KIRREL1: variants seen among roughly 807,000 people sequenced by gnomAD.
The protein encoded by KIRREL1 is kin of IRRE-like protein 1.
Under a neutral mutation model 83.3 loss-of-function variants are expected in KIRREL1, and 25 were observed. That is an observed-to-expected ratio of 0.30 (90% CI 0.22 to 0.42). KIRREL1 has a LOEUF of 0.42. Ranked by LOEUF, KIRREL1 falls within the 10% of genes least tolerant of loss-of-function variation. KIRREL1 has a pLI of 1.00. For synonymous variants in KIRREL1, 388 were observed against 410.4 expected (o/e 0.95, Z 0.66); for missense variants, 812 against 1,032.3 (o/e 0.79, Z 2.92).
chr1:158,087,650 C>A, intron 5 of KIRREL1, 105 bp from the exon 6 acceptor site: 1 of 743,550 alleles, frequency 1.3e-6, no homozygotes, highest in Non-Finnish European at 2.2e-6. Context: ...ACCTCAAATT[C>A]CTAGATCCCC....
chr1:158,059,925 T>C (rs1661165471), intron 1 of KIRREL1, among the ~76,000 whole-genome samples: 1 of 152,102 alleles, frequency 6.6e-6, no homozygotes, highest in African/African-American at 2.4e-5. Flanking sequence ...GAGGTGGACA[T>C]TGGGTTCGGG....
intron 1 of KIRREL1, among the ~76,000 whole-genome samples, chr1:158,000,066 G>C (rs541919895): frequency 7.3e-5 from 11 of 151,514 alleles, no homozygotes; most frequent in East Asian, 4.0e-4. Context: ...GGAAAGATGG[G>C]GTGGGGGCTG....
At chr1:158,010,346 CA>C (rs1324520733) in intron 1 of KIRREL1, among the ~76,000 whole-genome samples, 3,675 of 147,984 alleles carry the variant, frequency 0.025, 86 homozygotes, top group Middle Eastern at 0.069. Context: ...CACACACACA[CA>C]CACACACACA....
intron 10 of KIRREL1, 103 bp from the exon 11 acceptor site, chr1:158,091,240 GTGGGGCACACATGGC>G: frequency 1.1e-6 from 1 of 885,766 alleles, no homozygotes; most frequent in East Asian, 2.5e-5. Context: ...GGCTGGGCTT[GTGGGGCACACATGGC>G]ACATAGGGGT....
chr1:158,096,350 G>A lies in KIRREL1; in HGVS notation c.*1230G>A. Reference sequence around the variant, plus strand: ...CACCTTCCAGGGGGTATGGGAGACAGGTTTTGGTTTTTAAGTGTCTTTTTT... The same window carrying A: ...CACCTTCCAGGGGGTATGGGAGACAAGTTTTGGTTTTTAAGTGTCTTTTTT... On this transcript the variant is annotated 3_prime_UTR_variant, in exon 15 of 15. Coordinates refer to ENST00000359209, the MANE Select transcript of KIRREL1 (RefSeq NM_018240.7). 2.8e-6 allele frequency: 1 copy of A among 354,988 alleles called. No individual in the cohort carries two copies. Among genetic ancestry groups the A allele is most frequent in the South Asian group, 2.2e-5 (1 of 46,080 alleles). The allele number at this position is 354,988 out of a possible 1,614,324, so 22.0% of individuals were successfully genotyped here.
At chr1:158,032,878 C>T (rs1450305609) in intron 1 of KIRREL1, among the ~76,000 whole-genome samples, 1 of 152,144 alleles carries the variant, frequency 6.6e-6, no homozygotes, top group Non-Finnish European at 1.5e-5. Context: ...TCAAGCAATT[C>T]TCCTGTCTCA....
chr1:158,091,600 G>A (rs943607992), intron 11 of KIRREL1, 44 bp downstream of exon 11: 33 of 1,582,518 alleles, frequency 2.1e-5, no homozygotes, highest in Non-Finnish European at 2.8e-5. Flanking sequence ...AGAGCAGCCT[G>A]AGGATTCTGC....
chr1:158,024,240 C>T lies in KIRREL1; in HGVS notation c.52+30512C>T, dbSNP rs1273235708. Among the ~76,000 whole-genome samples, 86 of 148,646 alleles carry T rather than the reference C, an allele frequency of 5.8e-4. 1 individual carries two copies. The highest frequency in any genetic ancestry group is 3.0e-5 in the Non-Finnish European group (2 of 67,342). On this transcript the variant is annotated intron_variant, in intron 1 of 14. Transcript: ENST00000359209. ...CTAGGATTACAGGCGTGAGCCACTG[C>T]GCCCGGCCTGGTTTTGTTGTTGTTG... is the stretch of plus-strand genomic sequence containing the variant.
chr1:158,020,539 T>C (rs1284435630), intron 1 of KIRREL1, among the ~76,000 whole-genome samples: 1 of 143,832 alleles, frequency 7.0e-6, no homozygotes, highest in Non-Finnish European at 1.5e-5. Context: ...TTTATATCTG[T>C]AACTTCCGTC....
rs2101624810 is a variant in KIRREL1, at chr1:158,076,213, G to T, written c.153G>T (p.Val51=). The T allele has an allele frequency of 6.2e-7, 1 of 1,614,212 alleles. No homozygotes were observed. Among genetic ancestry groups the T allele is most frequent in the African/African-American group, 1.3e-5 (1 of 75,064 alleles). ...TGCTGCTCAACTACTCTGGAATTGTGCAATGGACCAAGGACGGGCTGGCCC... is the reference window on the plus strand; with the variant it reads ...TGCTGCTCAACTACTCTGGAATTGTTCAATGGACCAAGGACGGGCTGGCCC... ...PCVLLNYSGI[V]QWTKDGLALG... The change falls in exon 2 of 15, where the codon GTG becomes GTT. Residue 51 remains valine, a synonymous_variant. Coordinates refer to ENST00000359209, the MANE Select transcript of KIRREL1 (RefSeq NM_018240.7).
At chr1:158,086,530 G>A (rs1662019126) in intron 4 of KIRREL1, 66 bp from the exon 5 acceptor site, 8 of 1,507,926 alleles carry the variant, frequency 5.3e-6, no homozygotes, top group Non-Finnish European at 6.3e-6. Flanking sequence ...TCTGAGTGAG[G>A]TCAACTTAAG....
intron 1 of KIRREL1, among the ~76,000 whole-genome samples, chr1:157,997,910 C>G (rs1397808115): frequency 6.6e-6 from 1 of 152,152 alleles, no homozygotes; most frequent in African/African-American, 2.4e-5. Context: ...TAGATAGGGT[C>G]TTGCTCTGCT....
At chr1:158,061,926 G>T (rs963687147) in intron 1 of KIRREL1, among the ~76,000 whole-genome samples, 1 of 152,128 alleles carries the variant, frequency 6.6e-6, no homozygotes, top group African/African-American at 2.4e-5. Context: ...GCTGGCATGT[G>T]GACAAGTAGG....
Position 158,096,860 on chromosome 1 carries a change from T to C in KIRREL1, c.*1740T>C. The C allele has an allele frequency of 2.2e-6, 1 of 456,722 alleles. No homozygotes were observed. Among genetic ancestry groups the C allele is most frequent in the South Asian group, 1.5e-5 (1 of 64,556 alleles). 28.3% of individuals were successfully genotyped at this position (456,722 alleles called of 1,614,324 possible). A position where few individuals can be genotyped will look rare whatever the true frequency, so the allele number is the denominator to read the frequency against. ...AGGGCCTCTGGTGCAGTTCCCAAAA[T>C]GTTCCTCGCCCTTTCTCCGTGGTCA... On this transcript the variant is annotated 3_prime_UTR_variant, in exon 15 of 15. Coordinates refer to ENST00000359209, the MANE Select transcript of KIRREL1 (RefSeq NM_018240.7).
At chr1:158,014,679 ATG>A (rs1491518077) in intron 1 of KIRREL1, among the ~76,000 whole-genome samples, 1 of 4,192 alleles carries the variant, frequency 2.4e-4, no homozygotes, top group Admixed American at 2.8e-3. Context: ...TATAGTCTTT[ATG>A]GGGGGGGGGG....
At chr1:158,046,502 C>T (rs141721331) in intron 1 of KIRREL1, among the ~76,000 whole-genome samples, 2 of 152,162 alleles carry the variant, frequency 1.3e-5, no homozygotes, top group African/African-American at 4.8e-5. Context: ...TGGGATAGAA[C>T]ATCAAGTTAG....
chr1:158,073,690 C>A (rs1015950248), intron 1 of KIRREL1, among the ~76,000 whole-genome samples: 3 of 152,164 alleles, frequency 2.0e-5, no homozygotes, highest in Non-Finnish European at 4.4e-5. Flanking sequence ...TACAGGTGAG[C>A]AAATGGGGGC....
At position 157,993,725 on chromosome 1, in the gene KIRREL1, C is replaced by G; in HGVS notation, c.49C>G (p.Gln17Glu). 1 of 1,493,542 alleles carries G rather than the reference C, an allele frequency of 6.7e-7. No homozygotes were observed. The highest frequency in any genetic ancestry group is 8.9e-7 in the Non-Finnish European group (1 of 1,119,586). The allele number at this position is 1,493,542 out of a possible 1,614,324, so 92.5% of individuals were successfully genotyped here. The change falls in exon 1 of 15, where the codon CAA (glutamine) becomes GAA (glutamate). Residue 17 changes from glutamine to glutamate, a missense_variant. By Grantham distance (29) the Gln-to-Glu change is conservative. Around this residue, in one of 3 missense-constraint regions of KIRREL1, gnomAD observed 472 missense variants for 626.8 expected, o/e 0.75. Transcript: ENST00000359209. Reference protein sequence around the residue: ...WILTLSDTFSQGTQTRFSQEP... With the variant: ...WILTLSDTFSEGTQTRFSQEP... ...CCTCACTCTCTCCGATACTTTCTCC[C>G]AAGGTAAGGGCCCCCAGCCCACCCC...
chr1:158,034,140 G>C (rs1192933604), intron 1 of KIRREL1, among the ~76,000 whole-genome samples: 4 of 151,756 alleles, frequency 2.6e-5, no homozygotes, highest in Non-Finnish European at 5.9e-5. Context: ...GGGCTTGGTG[G>C]CGGGCGCCTG....
Sources: allele counts gnomAD v4.1 joint callset (sites outside exome capture counted in the v4.1 genomes callset), GRCh38; gene constraint gnomAD v4.1.1; regional missense constraint gnomAD v4.1.1; transcripts MANE v1.5; gene names NCBI Gene and HGNC (gene_info 2026-07-23, HGNC 2026-07-21).